The following COL13A1 variants were observed in gnomAD, a reference collection of about 807,000 sequenced individuals.
The protein encoded by COL13A1 is collagen alpha-1(XIII) chain.
A neutral mutation model predicts 130.9 loss-of-function variants in COL13A1; 89 were observed. The observed-to-expected ratio is 0.68, with a 90% CI of 0.57 to 0.81. The LOEUF (loss-of-function observed/expected upper bound fraction) is 0.81, where lower values mean the gene tolerates loss of function less well. COL13A1 is among the 30% of genes least tolerant of loss of function. The pLI is 0.00. For synonymous variants in COL13A1, 402 were observed against 341.6 expected (o/e 1.18, Z -1.95); for missense variants, 879 against 934.6 (o/e 0.94, Z 0.78).
At chr10:69,827,847 A>G (rs1847870133) in intron 2 of COL13A1, among the ~76,000 whole-genome samples, 4 of 152,132 alleles carry the variant, frequency 2.6e-5, no homozygotes. Context: ...CTGTAGCCAG[A>G]GCTTTGGTCA....
At chr10:69,912,016 G>A (rs2063435786) in intron 17 of COL13A1, among the ~76,000 whole-genome samples, 2 of 152,180 alleles carry the variant, frequency 1.3e-5, no homozygotes, top group Admixed American at 1.3e-4. Flanking sequence ...GCTAGTGCGG[G>A]GACAGCATTT....
chr10:69,921,118 A>G lies in COL13A1; in HGVS notation c.1090-764A>G, dbSNP rs573550091. ...TCTGGAAGCTGGAAGTCCAAAAGCA[A>G]GGTGTTAGCAGGGCGGGCTCCATCT... On this transcript the variant is annotated intron_variant, in intron 21 of 40. Transcript: ENST00000645393. Among the ~76,000 whole-genome samples the G allele has an allele frequency of 8.0e-4, 122 of 152,276 alleles. 1 individual carries two copies. The highest frequency in any genetic ancestry group is 1.5e-3 in the Non-Finnish European group (101 of 68,018).
At chr10:69,906,533 C>A (rs963354412) in intron 17 of COL13A1, among the ~76,000 whole-genome samples, 2 of 152,064 alleles carry the variant, frequency 1.3e-5, no homozygotes, top group African/African-American at 4.8e-5. Flanking sequence ...TCCAGGGCAG[C>A]ATTCAAAATG....
intron 2 of COL13A1, among the ~76,000 whole-genome samples, chr10:69,834,687 T>A (rs969132590): frequency 6.6e-6 from 1 of 152,156 alleles, no homozygotes; most frequent in African/African-American, 2.4e-5. Flanking sequence ...AACCCAGGAC[T>A]TTCAATGCCA....
chr10:69,870,107 A>T (rs951049951), intron 3 of COL13A1, among the ~76,000 whole-genome samples: 3 of 151,998 alleles, frequency 2.0e-5, no homozygotes, highest in Non-Finnish European at 4.4e-5. Context: ...TCATCTGTAA[A>T]ATTAGAACAG....
chr10:69,872,390 TCTA>T (rs2059162159), intron 4 of COL13A1, among the ~76,000 whole-genome samples, 180 bp downstream of exon 4: 1 of 152,218 alleles, frequency 6.6e-6, no homozygotes, highest in Non-Finnish European at 1.5e-5. Context: ...TCCTTTGAGA[TCTA>T]GAGAGGACCC....
chr10:69,872,298 T>C, intron 4 of COL13A1, 88 bp downstream of exon 4: 1 of 1,489,314 alleles, frequency 6.7e-7, no homozygotes, highest in Middle Eastern at 1.8e-4. Context: ...TGGCTGGTTT[T>C]TCTCCAGGTG....
At chr10:69,894,483 C>A in intron 10 of COL13A1, 69 bp from the exon 11 acceptor site, 2 of 1,587,396 alleles carry the variant, frequency 1.3e-6, no homozygotes, top group Non-Finnish European at 1.7e-6. Context: ...CCAATCCCCA[C>A]CCAGGCAGGT....
At chr10:69,837,790 A>G (rs1564807024) in intron 2 of COL13A1, among the ~76,000 whole-genome samples, 1 of 126,500 alleles carries the variant, frequency 7.9e-6, no homozygotes, top group Admixed American at 7.8e-5. Context: ...ATCCTGCCAA[A>G]TAAATAAATA....
At chr10:69,875,639 T>C (rs889292038) in intron 5 of COL13A1, among the ~76,000 whole-genome samples, 2 of 152,216 alleles carry the variant, frequency 1.3e-5, no homozygotes, top group African/African-American at 4.8e-5. Flanking sequence ...TGGTCCCAGG[T>C]GGCACCTCCA....
chr10:69,868,313 C>T lies in COL13A1; in HGVS notation c.372+508C>T, dbSNP rs565907483. Among the ~76,000 whole-genome samples, 705 of 137,600 alleles carry T rather than the reference C, an allele frequency of 5.1e-3. 5 individuals carry two copies. Among genetic ancestry groups the T allele is most frequent in the African/African-American group, 0.02 (643 of 32,158 alleles). The allele number at this position is 137,600 out of a possible 152,430, so 90.3% of individuals were successfully genotyped here. ...CACTTTGGGCAGGTGGTGGTGGTGG[C>T]GGCGGCAATGGTTATGTAAGAGAGA... On this transcript the variant is annotated intron_variant, in intron 3 of 40. Transcript: ENST00000645393.
intron 2 of COL13A1, among the ~76,000 whole-genome samples, chr10:69,849,557 CT>C (rs1564838593): frequency 6.6e-6 from 1 of 152,034 alleles, no homozygotes; most frequent in Non-Finnish European, 1.5e-5. Flanking sequence ...TTCACATCTC[CT>C]TTTTATCTTA....
intron 13 of COL13A1, among the ~76,000 whole-genome samples, chr10:69,898,456 C>T (rs562768015): frequency 6.6e-6 from 1 of 152,374 alleles, no homozygotes; most frequent in South Asian, 2.1e-4. Flanking sequence ...AGGGCCACAA[C>T]TCCTCCTAAG....
Position 69,922,719 on chromosome 10 carries a change from C to T in COL13A1, c.1155C>T (p.Gly385=), listed in dbSNP as rs759101940. 17 of 1,605,822 alleles carry T rather than the reference C, an allele frequency of 1.1e-5. No individual in the cohort carries two copies. Among genetic ancestry groups the T allele is most frequent in the African/African-American group, 2.7e-5 (2 of 74,774 alleles). Residue 385 remains glycine (G), a synonymous_variant, in exon 23 of 41, where the codon GGC becomes GGT. Transcript: ENST00000645393. ...PGLLGQKGEK[G]DAGNSIGGGR... The stretch of plus-strand genomic sequence containing the variant: ...CCTTCCACCCCCAGGGAGAGAAAGG[C>T]GATGCTGGCAACTCCATTGGAGGAG...
At position 69,839,821 on chromosome 10, in the gene COL13A1, G is replaced by A. The variant is rs112004371; in HGVS notation, c.364+17383G>A. Among the ~76,000 whole-genome samples, 213 of 152,300 alleles carry A rather than the reference G, an allele frequency of 1.4e-3. 1 individual carries two copies. The highest frequency in any genetic ancestry group is 4.9e-3 in the African/African-American group (205 of 41,552). Reference sequence around the variant, plus strand: ...CAGAGAGAGAGCTCAGGGAGGGCGCGGGCCAGTCCTGTGGCGCCTCGTGTG... The same window carrying A: ...CAGAGAGAGAGCTCAGGGAGGGCGCAGGCCAGTCCTGTGGCGCCTCGTGTG... On this transcript the variant is annotated intron_variant, in intron 2 of 40. Transcript: ENST00000645393.
chr10:69,930,725 G>T (rs570660577), intron 30 of COL13A1, among the ~76,000 whole-genome samples, 173 bp downstream of exon 30: 1 of 152,320 alleles, frequency 6.6e-6, no homozygotes, highest in African/African-American at 2.4e-5. Context: ...CTCACTTTAT[G>T]AAGGCCAGTT....
intron 2 of COL13A1, among the ~76,000 whole-genome samples, chr10:69,843,700 G>A (rs760713746): frequency 6.6e-6 from 1 of 152,176 alleles, no homozygotes; most frequent in Non-Finnish European, 1.5e-5. Context: ...AAGCAAGCTG[G>A]TATAGCACCC....
intron 2 of COL13A1, among the ~76,000 whole-genome samples, chr10:69,837,081 T>C (rs1481800510): frequency 6.6e-6 from 1 of 152,104 alleles, no homozygotes; most frequent in Non-Finnish European, 1.5e-5. Context: ...GGGCTCCGGC[T>C]CCAGGGTGCC....
At chr10:69,944,640 CAG>C (rs1194938125) in intron 36 of COL13A1, among the ~76,000 whole-genome samples, 3 of 133,618 alleles carry the variant, frequency 2.2e-5, no homozygotes, top group African/African-American at 8.8e-5. Flanking sequence ...GCCTAGGAGA[CAG>C]AGCAAGACCT....
Sources: gnomAD v4.1 joint callset for allele counts (sites outside exome capture counted in the v4.1 genomes callset) on GRCh38, gnomAD v4.1.1 for gene constraint, MANE v1.5 for transcripts, NCBI Gene and HGNC (gene_info 2026-07-23, HGNC 2026-07-21) for gene names.